Variants in RBM14 observed in about 807,000 individuals in gnomAD.
RBM14 encodes the protein RNA binding motif protein 14.
Under a neutral mutation model 52.8 loss-of-function variants are expected in RBM14, and 5 were observed. That is an observed-to-expected ratio of 0.09 (90% CI 0.05 to 0.20). The LOEUF (loss-of-function observed/expected upper bound fraction) is 0.20, where lower values mean the gene tolerates loss of function less well. Ranked by LOEUF, RBM14 falls within the 10% of genes least tolerant of loss-of-function variation. The probability of loss-of-function intolerance (pLI) is 1.00; values close to 1 mark genes in which losing one functional copy is unlikely to be tolerated. For synonymous variants in RBM14, 411 were observed against 401.8 expected (o/e 1.02, Z -0.28); for missense variants, 780 against 926.6 (o/e 0.84, Z 2.05).
At chr11:66,617,446 T>G (rs1428442169) in intron 1 of RBM14, 4 of 1,036,098 alleles carry the variant, frequency 3.9e-6, no homozygotes, top group East Asian at 1.7e-4. Flanking sequence ...ACTTCCCCAC[T>G]TCCTCTCCAG....
In RBM14 at chr11:66,622,982, A is replaced by G. The variant is rs576387089; in HGVS notation, c.338-1232A>G. On this transcript the variant is annotated intron_variant, in intron 1 of 2. Coordinates refer to ENST00000310137, the MANE Select transcript of RBM14 (RefSeq NM_006328.4). The stretch of plus-strand genomic sequence containing the variant: ...CTGCCTGTGCTTTGTGAGTGTGGAC[A>G]TGAGAATTTCTTTCCATTCCTTCAT... 3.7e-4 allele frequency among the ~76,000 whole-genome samples: 57 copies of G among 152,316 alleles called. 1 individual carries two copies. The highest frequency in any genetic ancestry group is 1.0e-3 in the South Asian group (5 of 4,816).
Position 66,628,980 on chromosome 11 carries a change from C to T in RBM14, c.*2312C>T, listed in dbSNP as rs1257752255. 1.3e-5 allele frequency among the ~76,000 whole-genome samples: 2 copies of T among 152,190 alleles called. No homozygotes were observed. Among genetic ancestry groups the T allele is most frequent in the African/African-American group, 4.8e-5 (2 of 41,450 alleles). On this transcript the variant is annotated 3_prime_UTR_variant, in exon 3 of 3. Transcript: ENST00000310137. ...TCTGCCTGCTTGTCATCTTTAGGTC[C>T]TGCTGCCCCTGCTGCCTCAGCCCTC...
chr11:66,624,823 C>T lies in RBM14; in HGVS notation c.947C>T (p.Ser316Phe). The change falls in exon 2 of 3, where the codon TCC (serine) becomes TTC (phenylalanine). Residue 316 changes from serine to phenylalanine, a missense_variant. Ser to Phe is a radical substitution (Grantham distance 155). This residue lies in a region of RBM14 where 675 missense variants were observed against 697.3 expected (regional missense o/e 0.97). Transcript: ENST00000310137. This position sits in a 1 kb window ranked among gnomAD's most constrained non-coding sequence, Gnocchi z 4.7. ...GGAQPSASAL[S>F]SYGGQAAAAS... ...GCCCAGCCCTCAGCCTCGGCCCTTT[C>T]CTCCTATGGGGGTCAGGCAGCTGCA... The T allele has an allele frequency of 6.2e-7, 1 of 1,614,124 alleles. No individual in the cohort carries two copies. Among genetic ancestry groups the T allele is most frequent in the Non-Finnish European group, 8.5e-7 (1 of 1,179,988 alleles).
Position 66,627,544 on chromosome 11 carries a change from C to CTT in RBM14, c.*878_*879dup, listed in dbSNP as rs1332627402. 6.6e-6 allele frequency among the ~76,000 whole-genome samples: 1 copy of CTT among 152,224 alleles called. No individual in the cohort carries two copies. The highest frequency in any genetic ancestry group is 2.4e-5 in the African/African-American group (1 of 41,468). On this transcript the variant is annotated 3_prime_UTR_variant, in exon 3 of 3. Transcript: ENST00000310137. ...TCCTGCTAGCCTGCCATCTTTCAGA[C>CTT]TTTCCAGGGCAGGTGGCCTGGTCCT...
At chr11:66,623,271 G>C (rs1859198627) in intron 1 of RBM14, among the ~76,000 whole-genome samples, 1 of 152,232 alleles carries the variant, frequency 6.6e-6, no homozygotes, top group African/African-American at 2.4e-5. Flanking sequence ...GGAGGATGCA[G>C]TGTGGTCTGG....
In RBM14 at chr11:66,628,353, C is replaced by T. The variant is rs1360510202; in HGVS notation, c.*1685C>T. ...GGGGCAAGGCGACTGGGGAGGTGTACGTGTTAGTCAAGTGGAGGTCAGGTG... is the reference window on the plus strand; with the variant it reads ...GGGGCAAGGCGACTGGGGAGGTGTATGTGTTAGTCAAGTGGAGGTCAGGTG... On this transcript the variant is annotated 3_prime_UTR_variant, in exon 3 of 3. Transcript: ENST00000310137. Among the ~76,000 whole-genome samples the T allele has an allele frequency of 2.6e-5, 4 of 152,250 alleles. No homozygotes were observed. The highest frequency in any genetic ancestry group is 5.9e-5 in the Non-Finnish European group (4 of 68,012).
In RBM14 at chr11:66,627,487, CCTGTG is replaced by C. The variant is rs1157617815; in HGVS notation, c.*820_*824del. 1 of 152,184 alleles carries C rather than the reference CCTGTG, an allele frequency of 6.6e-6. No homozygotes were observed. The highest frequency in any genetic ancestry group is 6.5e-5 in the Admixed American group (1 of 15,276). The allele number at this position is 152,184 out of a possible 1,614,324, so 9.4% of individuals were successfully genotyped here. A position where few individuals can be genotyped will look rare whatever the true frequency, so the allele number is the denominator to read the frequency against. On this transcript the variant is annotated 3_prime_UTR_variant, in exon 3 of 3. Coordinates refer to ENST00000310137, the MANE Select transcript of RBM14 (RefSeq NM_006328.4). ...TGAATGTCGGAATTAGAAGGATTGC[CCTGTG>C]GCCCAGAAGGATTTAGCTCATCGTC...
rs184980438 is a variant in RBM14, at chr11:66,625,695, C to T, written c.1802+17C>T. 111 of 1,553,696 alleles carry T rather than the reference C, an allele frequency of 7.1e-5. No homozygotes were observed. Among genetic ancestry groups the T allele is most frequent in the South Asian group, 3.1e-4 (27 of 85,746 alleles). ...GTCGAAAAGGTACTGTATGCCCCCC[C>T]GCCTCTGCCCCCAGCTGGGGCTTAG... On this transcript the variant is annotated intron_variant, in intron 2 of 2. Coordinates refer to ENST00000310137, the MANE Select transcript of RBM14 (RefSeq NM_006328.4). The surrounding 1 kb of genome is among the most constrained non-coding windows in gnomAD (Gnocchi z 4.2).
Position 66,625,534 on chromosome 11 carries a change from A to G in RBM14, c.1658A>G (p.Gln553Arg). The G allele has an allele frequency of 6.2e-7, 1 of 1,612,522 alleles. No homozygotes were observed. The highest frequency in any genetic ancestry group is 8.5e-7 in the Non-Finnish European group (1 of 1,179,496). The change falls in exon 2 of 3, where the codon CAG (glutamine) becomes CGG (arginine). Residue 553 changes from glutamine (Q) to arginine (R), a missense_variant. Gln to Arg is a conservative substitution (Grantham distance 43). Coordinates refer to ENST00000310137, the MANE Select transcript of RBM14 (RefSeq NM_006328.4). The surrounding 1 kb of genome is among the most constrained non-coding windows in gnomAD (Gnocchi z 4.2). ...QPGNAYDGAG[Q>R]PSAAYLSMSQ... ...GGCAATGCCTACGATGGGGCAGGTCAGCCGTCTGCAGCCTACCTGTCCATG... is the reference window on the plus strand; with the variant it reads ...GGCAATGCCTACGATGGGGCAGGTCGGCCGTCTGCAGCCTACCTGTCCATG...
rs1425020451 is a variant in RBM14 at position 66,629,914 on chromosome 11, CAAAAG to C, written c.*3256_*3260del. On this transcript the variant is annotated 3_prime_UTR_variant, in exon 3 of 3. Transcript: ENST00000310137. ...CAATACGGTGAGACCTTGTCTCTAC[CAAAAG>C]AAAAGAAAAAAAAAAGCCAGCTGTG... Among the ~76,000 whole-genome samples the C allele has an allele frequency of 2.6e-5, 2 of 77,642 alleles. No homozygotes were observed. The highest frequency in any genetic ancestry group is 1.7e-4 in the Admixed American group (1 of 5,974). The allele number at this position is 77,642 out of a possible 152,430, so 50.9% of individuals were successfully genotyped here.
At chr11:66,617,195 G>A in intron 1 of RBM14, 138 bp downstream of exon 1, 1 of 1,440,734 alleles carries the variant, frequency 6.9e-7, no homozygotes, top group Non-Finnish European at 9.1e-7. Context: ...AGGTGTTGGG[G>A]GCGCGTTGGG....
At position 66,624,552 on chromosome 11, in the gene RBM14, T is replaced by A. The variant is rs1466602033; in HGVS notation, c.676T>A (p.Tyr226Asn). 5 of 1,612,910 alleles carry A rather than the reference T, an allele frequency of 3.1e-6. No homozygotes were observed. The highest frequency in any genetic ancestry group is 4.2e-6 in the Non-Finnish European group (5 of 1,179,982). Reference sequence around the variant, plus strand: ...GCGCCGTTCACCTCCCCGAGCCTCTTATGTGGCTCCTCTGACGGCCCAGCC... The same window carrying A: ...GCGCCGTTCACCTCCCCGAGCCTCTAATGTGGCTCCTCTGACGGCCCAGCC... ...PLRRSPPRAS[Y>N]VAPLTAQPAT... Residue 226 changes from tyrosine to asparagine, a missense_variant, in exon 2 of 3, where the codon TAT (tyrosine) becomes AAT (asparagine). Physicochemically the swap from Tyr to Asn is moderately radical, Grantham distance 143. Coordinates refer to ENST00000310137, the MANE Select transcript of RBM14 (RefSeq NM_006328.4). The surrounding 1 kb of genome is among the most constrained non-coding windows in gnomAD (Gnocchi z 4.7).
chr11:66,624,138 T>G lies in RBM14; in HGVS notation c.338-76T>G. ...AGCTGGCAACAGCTGGGTGCTGTTG[T>G]GTGTCCAATTTGGGACCCATCAGGT... On this transcript the variant is annotated intron_variant, in intron 1 of 2. Coordinates refer to ENST00000310137, the MANE Select transcript of RBM14 (RefSeq NM_006328.4). This position sits in a 1 kb window ranked among gnomAD's most constrained non-coding sequence, Gnocchi z 4.7. The G allele has an allele frequency of 6.5e-7, 1 of 1,541,086 alleles. No homozygotes were observed. Among genetic ancestry groups the G allele is most frequent in the East Asian group, 2.3e-5 (1 of 44,198 alleles).
chr11:66,621,598 A>G (rs1217598694), intron 1 of RBM14, among the ~76,000 whole-genome samples: 2 of 152,054 alleles, frequency 1.3e-5, no homozygotes, highest in Non-Finnish European at 2.9e-5. Flanking sequence ...GCTGGTCTTG[A>G]ACTCCTGACC....
chr11:66,617,349 CT>C, intron 1 of RBM14: 1 of 1,244,832 alleles, frequency 8.0e-7, no homozygotes, highest in Non-Finnish European at 1.0e-6. Flanking sequence ...GGGGGCGCGC[CT>C]TCTCCTGGTC....
In RBM14 at chr11:66,624,518, C is replaced by G. The variant is rs777229793; in HGVS notation, c.642C>G (p.Arg214=). The G allele has an allele frequency of 6.2e-7, 1 of 1,613,134 alleles. No homozygotes were observed. Among genetic ancestry groups the G allele is most frequent in the South Asian group, 1.1e-5 (1 of 91,072 alleles). ...CACCACCCTTCTTTGGTCGCGACCGCAGCCCTCTGCGCCGTTCACCTCCCC... is the reference window on the plus strand; with the variant it reads ...CACCACCCTTCTTTGGTCGCGACCGGAGCCCTCTGCGCCGTTCACCTCCCC... The part of the protein sequence containing the change: ...QPTPPFFGRD[R]SPLRRSPPRA... Residue 214 remains arginine, a synonymous_variant, in exon 2 of 3, where the codon CGC becomes CGG. Coordinates refer to ENST00000310137, the MANE Select transcript of RBM14 (RefSeq NM_006328.4). This position sits in a 1 kb window ranked among gnomAD's most constrained non-coding sequence, Gnocchi z 4.7.
Position 66,625,623 on chromosome 11 carries a change from C to T in RBM14, c.1747C>T (p.Pro583Ser), listed in dbSNP as rs1335679287. 1 of 1,612,984 alleles carries T rather than the reference C, an allele frequency of 6.2e-7. No homozygotes were observed. Among genetic ancestry groups the T allele is most frequent in the African/African-American group, 1.3e-5 (1 of 74,934 alleles). Residue 583 changes from proline (P) to serine (S), a missense_variant, in exon 2 of 3, where the codon CCA becomes TCA. Pro to Ser is a moderately conservative substitution (Grantham distance 74). Around this residue, in one of 4 missense-constraint regions of RBM14, gnomAD observed 675 missense variants for 697.3 expected, o/e 0.97. Transcript: ENST00000310137. The surrounding 1 kb of genome is among the most constrained non-coding windows in gnomAD (Gnocchi z 4.2). ...PPPYERTRLSPPRASYDDPYK... is the reference protein window; with the variant it reads ...PPPYERTRLSSPRASYDDPYK... ...GCCCTATGAGCGTACCCGCCTCTCC[C>T]CACCCCGGGCCAGCTACGACGATCC...
rs986822417 is a variant in RBM14 at position 66,628,284 on chromosome 11, C to T, written c.*1616C>T. 2.6e-5 allele frequency among the ~76,000 whole-genome samples: 4 copies of T among 152,098 alleles called. No individual in the cohort carries two copies. Among genetic ancestry groups the T allele is most frequent in the Admixed American group, 2.0e-4 (3 of 15,270 alleles). On this transcript the variant is annotated 3_prime_UTR_variant, in exon 3 of 3. Transcript: ENST00000310137. ...GATAATGGGAGAACTTACTGATGCT[C>T]TTTTGGGAAAAGGTGCTTTAAAGAC...
chr11:66,621,107 G>A (rs1859087654), intron 1 of RBM14, among the ~76,000 whole-genome samples: 1 of 152,072 alleles, frequency 6.6e-6, no homozygotes. Flanking sequence ...CTGAGCTCAA[G>A]CCATCCTTCC....
Sources: gnomAD v4.1 joint callset for allele counts (sites outside exome capture counted in the v4.1 genomes callset) on GRCh38, gnomAD v4.1.1 for gene constraint, gnomAD v4.1.1 regional missense constraint, Gnocchi (gnomAD v3.1) non-coding constraint, MANE v1.5 for transcripts, NCBI Gene and HGNC (gene_info 2026-07-23, HGNC 2026-07-21) for gene names.